Variants in HECW1 observed in about 807,000 individuals in gnomAD.
HECW1 encodes the protein HECT, C2 and WW domain containing E3 ubiquitin protein ligase 1.
HECW1 carries 61 observed loss-of-function variants against 182.3 expected under a neutral mutation model. The ratio of observed to expected loss-of-function variants is 0.33; its 90% CI spans 0.27 to 0.41. HECW1 has a LOEUF of 0.41. HECW1 is among the 10% of genes least tolerant of loss of function. The pLI is 1.00. For synonymous variants in HECW1, 859 were observed against 832.6 expected, an observed-to-expected ratio of 1.03 and a Z score of -0.55; for missense variants, 1,739 against 2,108.9, an observed-to-expected ratio of 0.82 and a Z score of 3.44.
intron 2 of HECW1, among the ~76,000 whole-genome samples, chr7:43,241,698 A>G (rs771616149): frequency 6.6e-5 from 10 of 150,684 alleles, no homozygotes; most frequent in Non-Finnish European, 1.5e-4. Context: ...TAGGACAGTG[A>G]GCACACCCTA....
intron 8 of HECW1, among the ~76,000 whole-genome samples, chr7:43,418,913 G>A (rs1440458846): frequency 2.0e-5 from 3 of 152,084 alleles, no homozygotes; most frequent in Non-Finnish European, 2.9e-5. Flanking sequence ...TGCTCCAGGG[G>A]GTATTGATGT....
chr7:43,149,037 C>T (rs1080173), intron 2 of HECW1, among the ~76,000 whole-genome samples: 68,137 of 151,752 alleles, frequency 0.45, 15,435 homozygotes, highest in African/African-American at 0.46. Context: ...AAATTACCAT[C>T]AGAACACCCC....
rs573801569 is a variant in HECW1, at chr7:43,285,671, G to T, written c.28-26092G>T. Among the ~76,000 whole-genome samples the T allele has an allele frequency of 8.4e-4, 128 of 152,200 alleles. 1 individual carries two copies. The highest frequency in any genetic ancestry group is 6.8e-3 in the Middle Eastern group (2 of 294). On this transcript the variant is annotated intron_variant, in intron 3 of 29. Coordinates refer to ENST00000395891, the MANE Select transcript of HECW1 (RefSeq NM_015052.5). ...TTAAAAAATTTTTAAAAATAGCTGGGTGTGGTGGCTCATGCAGGTGGCTGA... is the reference window on the plus strand; with the variant it reads ...TTAAAAAATTTTTAAAAATAGCTGGTTGTGGTGGCTCATGCAGGTGGCTGA...
intron 2 of HECW1, among the ~76,000 whole-genome samples, chr7:43,145,969 C>G (rs1485016743): frequency 6.6e-6 from 1 of 152,116 alleles, no homozygotes; most frequent in Non-Finnish European, 1.5e-5. Context: ...GAGAAGAAGC[C>G]ACAGTTAAAT....
intron 8 of HECW1, among the ~76,000 whole-genome samples, chr7:43,412,108 T>C (rs572579054): frequency 5.3e-5 from 8 of 152,180 alleles, no homozygotes; most frequent in Admixed American, 2.0e-4. Flanking sequence ...GGTACACGGC[T>C]TTGCGTTACT....
chr7:43,224,792 G>A (rs969238043), intron 2 of HECW1, among the ~76,000 whole-genome samples: 1 of 152,228 alleles, frequency 6.6e-6, no homozygotes, highest in Non-Finnish European at 1.5e-5. Flanking sequence ...GGATGATAGA[G>A]TAAGGCCTTG....
At chr7:43,496,622 T>C (rs1312882522) in intron 19 of HECW1, among the ~76,000 whole-genome samples, 1 of 152,172 alleles carries the variant, frequency 6.6e-6, no homozygotes, top group Non-Finnish European at 1.5e-5. Flanking sequence ...GAAGAACTCA[T>C]GGCTTCCTCT....
chr7:43,542,039 TA>T, intron 26 of HECW1, 41 bp downstream of exon 26: 1 of 1,448,070 alleles, frequency 6.9e-7, no homozygotes, highest in South Asian at 1.6e-5. Flanking sequence ...TTTTGTTTTT[TA>T]CTATGGAAAA....
intron 3 of HECW1, among the ~76,000 whole-genome samples, chr7:43,287,908 C>T (rs1260887020): frequency 2.6e-5 from 4 of 152,166 alleles, no homozygotes; most frequent in African/African-American, 9.7e-5. Context: ...AGTCTGGTAC[C>T]TGAAAGAATA....
intron 2 of HECW1, among the ~76,000 whole-genome samples, chr7:43,236,948 G>A (rs1484102346): frequency 2.0e-5 from 3 of 152,018 alleles, no homozygotes; most frequent in Non-Finnish European, 4.4e-5. Flanking sequence ...AGTGATTTGG[G>A]GGTCCCGAGA....
chr7:43,549,384 G>T (rs943612951), intron 26 of HECW1, among the ~76,000 whole-genome samples: 2 of 152,144 alleles, frequency 1.3e-5, no homozygotes, highest in African/African-American at 4.8e-5. Flanking sequence ...GCTTTGTTTA[G>T]GTACCTGTGT....
chr7:43,492,038 C>G (rs757894343), intron 17 of HECW1, 37 bp from the exon 18 acceptor site: 2 of 1,471,832 alleles, frequency 1.4e-6, no homozygotes, highest in Non-Finnish European at 1.9e-6. Flanking sequence ...GAAATTGATA[C>G]AAATTTCTAA....
At chr7:43,472,283 A>G (rs569297636) in intron 16 of HECW1, among the ~76,000 whole-genome samples, 30 of 152,326 alleles carry the variant, frequency 2.0e-4, no homozygotes, top group African/African-American at 5.5e-4. Flanking sequence ...TATCTTCTCT[A>G]TGCCTGTCCT....
intron 24 of HECW1, among the ~76,000 whole-genome samples, chr7:43,526,759 G>T (rs2080773593): frequency 6.6e-6 from 1 of 152,200 alleles, no homozygotes; most frequent in South Asian, 2.1e-4. Context: ...CCAACACTTT[G>T]GGAGGCCAAG....
intron 5 of HECW1, among the ~76,000 whole-genome samples, chr7:43,360,390 C>T (rs1815718372): frequency 6.6e-6 from 1 of 151,986 alleles, no homozygotes; most frequent in African/African-American, 2.4e-5. Context: ...ATCTATAGAA[C>T]TTTGAAGGAA....
intron 2 of HECW1, among the ~76,000 whole-genome samples, chr7:43,135,179 T>C (rs1177946336): frequency 6.6e-6 from 1 of 152,180 alleles, no homozygotes; most frequent in Non-Finnish European, 1.5e-5. Context: ...GGTCTCTTCT[T>C]AACAGCTTTA....
At chr7:43,247,329 G>A (rs1799468614) in intron 3 of HECW1, among the ~76,000 whole-genome samples, 1 of 152,162 alleles carries the variant, frequency 6.6e-6, no homozygotes, top group Non-Finnish European at 1.5e-5. Flanking sequence ...AAAATTTGAG[G>A]GATCATAACA....
chr7:43,237,878 A>G (rs555725150), intron 2 of HECW1, among the ~76,000 whole-genome samples: 1 of 150,506 alleles, frequency 6.6e-6, no homozygotes, highest in South Asian at 2.2e-4. Flanking sequence ...GCTGAGTAGG[A>G]CTTAGTCTGC....
chr7:43,511,608 AAGCCACCT>A (rs1397882959), intron 24 of HECW1: 2 of 152,422 alleles, frequency 1.3e-5, no homozygotes, highest in East Asian at 3.8e-4. Context: ...GACTGAATGT[AAGCCACCT>A]AGGAAGAGTC....
Sources: gnomAD v4.1 joint callset for allele counts (sites outside exome capture counted in the v4.1 genomes callset) on GRCh38, gnomAD v4.1.1 for gene constraint, MANE v1.5 for transcripts, NCBI Gene and HGNC (gene_info 2026-07-23, HGNC 2026-07-21) for gene names.